Variants in HDAC9 observed in about 807,000 individuals in gnomAD.
HDAC9 encodes the protein MEF-2 interacting transcription repressor (MITR) protein.
A neutral mutation model predicts 139.4 loss-of-function variants in HDAC9; 41 were observed. The ratio of observed to expected loss-of-function variants is 0.29; its 90% CI spans 0.23 to 0.38. The LOEUF is 0.38. HDAC9 is among the 10% of genes least tolerant of loss of function. The pLI is 1.00. For synonymous variants in HDAC9, 517 were observed against 476.2 expected, an observed-to-expected ratio of 1.09 and a Z score of -1.12; for missense variants, 1,147 against 1,297.0, an observed-to-expected ratio of 0.88 and a Z score of 1.78.
intron 1 of HDAC9, among the ~76,000 whole-genome samples, chr7:18,407,351 A>T (rs1474709110): frequency 6.6e-6 from 1 of 152,254 alleles, no homozygotes; most frequent in Non-Finnish European, 1.5e-5. Flanking sequence ...GTTGTTCATC[A>T]GGGACAAATA....
intron 2 of HDAC9, chr7:18,578,059 T>C: frequency 2.0e-6 from 1 of 493,688 alleles, no homozygotes; most frequent in Non-Finnish European, 4.1e-6. Context: ...AGCTTGACTT[T>C]TGGGAGCTAG....
intron 1 of HDAC9, among the ~76,000 whole-genome samples, chr7:18,381,028 T>C (rs1785384167): frequency 6.6e-6 from 1 of 151,440 alleles, no homozygotes; most frequent in African/African-American, 2.4e-5. Flanking sequence ...AGAAACCCCA[T>C]GTTTACTAAA....
chr7:18,731,897 A>T (rs566793231), intron 13 of HDAC9, among the ~76,000 whole-genome samples: 2 of 152,320 alleles, frequency 1.3e-5, no homozygotes, highest in Non-Finnish European at 2.9e-5. Context: ...AAGTGCTGGG[A>T]TTACAGGCAT....
intron 6 of HDAC9, among the ~76,000 whole-genome samples, chr7:18,619,548 C>T (rs868784919): frequency 2.0e-5 from 3 of 152,152 alleles, no homozygotes; most frequent in African/African-American, 7.2e-5. Context: ...ATTTCTTTAA[C>T]TTGACTATGA....
chr7:18,716,268 T>A (rs1016641094), intron 12 of HDAC9, among the ~76,000 whole-genome samples: 1 of 152,218 alleles, frequency 6.6e-6, no homozygotes, highest in Non-Finnish European at 1.5e-5. Flanking sequence ...TAAAATAACT[T>A]CAGTGTGCTC....
chr7:18,842,933 G>T (rs182064683), intron 21 of HDAC9, among the ~76,000 whole-genome samples: 8 of 152,200 alleles, frequency 5.3e-5, no homozygotes, highest in African/African-American at 1.9e-4. Context: ...AGTACTTGAA[G>T]TTTTGAAAGG....
At chr7:18,341,378 C>G (rs1781997152) in intron 1 of HDAC9, among the ~76,000 whole-genome samples, 1 of 151,666 alleles carries the variant, frequency 6.6e-6, no homozygotes, top group Admixed American at 6.6e-5. Flanking sequence ...ATATATGTAA[C>G]TTAAAATGCT....
At chr7:18,742,173 A>G (rs1416623835) in intron 13 of HDAC9, among the ~76,000 whole-genome samples, 1 of 152,238 alleles carries the variant, frequency 6.6e-6, no homozygotes, top group Non-Finnish European at 1.5e-5. Context: ...GTTAAATGCT[A>G]TAATACTAAG....
rs193114643 is a variant in HDAC9, at chr7:18,847,643, A to C, written c.2684+11646A>C. 8.1e-4 allele frequency among the ~76,000 whole-genome samples: 123 copies of C among 152,318 alleles called. 1 individual carries two copies. The highest frequency in any genetic ancestry group is 2.9e-3 in the African/African-American group (119 of 41,582). ...GTCTCTCACAAAGTGGTTACACAAA[A>C]GGGCTCCCAAACCAGTTTGAAGCCA... On this transcript the variant is annotated intron_variant, in intron 21 of 25. Coordinates refer to ENST00000686413, the MANE Select transcript of HDAC9 (RefSeq NM_178425.4).
At chr7:18,245,278 G>C (rs533192480) in intron 2 of HDAC9, among the ~76,000 whole-genome samples, 2 of 152,120 alleles carry the variant, frequency 1.3e-5, no homozygotes, top group Non-Finnish European at 2.9e-5. Flanking sequence ...TTGTGGTATC[G>C]TCACATCAGA....
intron 2 of HDAC9, among the ~76,000 whole-genome samples, chr7:18,255,121 C>T (rs1795147710): frequency 6.6e-6 from 1 of 152,056 alleles, no homozygotes; most frequent in Non-Finnish European, 1.5e-5. Context: ...ATTTAATAGA[C>T]ATTTAAAGAC....
chr7:18,564,550 A>G (rs958312391), intron 2 of HDAC9, among the ~76,000 whole-genome samples: 9 of 152,198 alleles, frequency 5.9e-5, no homozygotes, highest in African/African-American at 2.2e-4. Flanking sequence ...GCGCAATTCT[A>G]ATATTCAAAA....
chr7:18,439,238 A>T (rs1438792811), intron 1 of HDAC9, among the ~76,000 whole-genome samples: 2 of 152,126 alleles, frequency 1.3e-5, no homozygotes, highest in Admixed American at 6.6e-5. Context: ...TTTCTCTGTG[A>T]CTACAAAGTG....
intron 25 of HDAC9, among the ~76,000 whole-genome samples, chr7:18,985,247 G>C (rs1785246617): frequency 2.0e-5 from 3 of 151,726 alleles, no homozygotes; most frequent in Admixed American, 2.0e-4. Context: ...AGACCCCAGA[G>C]TGCGATGTTC....
At chr7:18,300,080 C>A (rs1023718485) in intron 1 of HDAC9, among the ~76,000 whole-genome samples, 1 of 152,202 alleles carries the variant, frequency 6.6e-6, no homozygotes, top group Non-Finnish European at 1.5e-5. Flanking sequence ...CTCTCTAGAT[C>A]AAGCTTGTCC....
At chr7:18,819,615 C>A (rs191110800) in intron 17 of HDAC9, among the ~76,000 whole-genome samples, 2 of 152,008 alleles carry the variant, frequency 1.3e-5, no homozygotes, top group Non-Finnish European at 2.9e-5. Flanking sequence ...ATGGTCCCAC[C>A]GGAAAACATC....
At chr7:18,171,191 T>G (rs934276633) in intron 2 of HDAC9, among the ~76,000 whole-genome samples, 20 of 152,222 alleles carry the variant, frequency 1.3e-4, no homozygotes, top group Admixed American at 9.2e-4. Context: ...CTAGGTATTT[T>G]ATTCTCTTTG....
chr7:18,511,499 C>CG (rs1270354342), intron 2 of HDAC9, among the ~76,000 whole-genome samples: 3 of 151,934 alleles, frequency 2.0e-5, no homozygotes, highest in African/African-American at 7.3e-5. Flanking sequence ...TGGGAGGCTG[C>CG]GGTGGGAGGA....
chr7:18,435,417 G>T (rs1559953), intron 1 of HDAC9, among the ~76,000 whole-genome samples: 25 of 151,810 alleles, frequency 1.6e-4, no homozygotes, highest in African/African-American at 5.6e-4. Flanking sequence ...GTATGAAAAA[G>T]AAAAAGTCTA....
Sources: allele counts gnomAD v4.1 joint callset (sites outside exome capture counted in the v4.1 genomes callset), GRCh38; gene constraint gnomAD v4.1.1; transcripts MANE v1.5; gene names NCBI Gene and HGNC (gene_info 2026-07-23, HGNC 2026-07-21).